Variants in ROBO2 observed in about 807,000 individuals in gnomAD.
ROBO2 encodes roundabout guidance receptor 2, also known as roundabout homolog 2.
Under a neutral mutation model 160.8 loss-of-function variants are expected in ROBO2, and 53 were observed. The ratio of observed to expected loss-of-function variants is 0.33; its 90% CI spans 0.26 to 0.41. ROBO2 has a LOEUF of 0.41. ROBO2 is among the 10% of genes least tolerant of loss of function. ROBO2 has a pLI of 1.00. For missense variants in ROBO2, 1,577 were observed against 1,722.4 expected (o/e 0.92, Z 1.49); for synonymous variants, 664 against 611.7 (o/e 1.09, Z -1.26).
intron 2 of ROBO2, among the ~76,000 whole-genome samples, chr3:76,620,715 G>A (rs1439221437): frequency 6.6e-6 from 1 of 151,956 alleles, no homozygotes; most frequent in Non-Finnish European, 1.5e-5. Flanking sequence ...ATGGCCAGTG[G>A]CAAAAATTTA....
rs74801758 is a variant in ROBO2 at position 77,506,313 on chromosome 3, G to C, written c.806+12931G>C. ...AAAATATACTGCGTGGTGTCCCAGT[G>C]TCTCCATTGTGCACACTTGGAACAA... is the stretch of plus-strand genomic sequence containing the variant. On this transcript the variant is annotated intron_variant, in intron 5 of 25. Coordinates refer to ENST00000461745, the Ensembl canonical transcript of ROBO2. Among the ~76,000 whole-genome samples the C allele has an allele frequency of 7.4e-3, 1,132 of 152,264 alleles. 16 individuals are homozygous for C. The highest frequency in any genetic ancestry group is 0.024 in the African/African-American group (992 of 41,558).
In ROBO2 at chr3:77,418,335, T is replaced by C. The variant is rs1020233053; in HGVS notation, c.389-59079T>C. ...TTATCATCATATTGACTCTGCAACA[T>C]ATTAGATGCATCCATTTTCCAAATC... On this transcript the variant is annotated intron_variant, in intron 2 of 25. Coordinates refer to ENST00000461745, the Ensembl canonical transcript of ROBO2. Among the ~76,000 whole-genome samples, 3 of 152,182 alleles carry C rather than the reference T, an allele frequency of 2.0e-5. No individual in the cohort carries two copies. In the East Asian group the frequency reaches 5.8e-4, roughly 29 times the overall value.
chr3:77,582,152 C>T (rs1351767105), intron 16 of ROBO2, among the ~76,000 whole-genome samples: 1 of 152,088 alleles, frequency 6.6e-6, no homozygotes, highest in African/African-American at 2.4e-5. Flanking sequence ...TATTAAATTG[C>T]ATATTGTTAG....
chr3:76,867,058 T>C (rs1394362052), intron 2 of ROBO2, among the ~76,000 whole-genome samples: 1 of 152,168 alleles, frequency 6.6e-6, no homozygotes, highest in African/African-American at 2.4e-5. Flanking sequence ...AACTTATTTT[T>C]AAGCAAGGAA....
intron 2 of ROBO2, among the ~76,000 whole-genome samples, chr3:76,277,470 T>C (rs940261594): frequency 6.6e-6 from 1 of 151,940 alleles, no homozygotes; most frequent in Non-Finnish European, 1.5e-5. Flanking sequence ...CTGGATGGCT[T>C]TTTAAAGTAG....
At chr3:76,059,773 T>C (rs896291750) in intron 2 of ROBO2, among the ~76,000 whole-genome samples, 1 of 152,228 alleles carries the variant, frequency 6.6e-6, no homozygotes, top group Admixed American at 6.5e-5. Flanking sequence ...CTAGGGTTTT[T>C]ATGGTTTTAG....
chr3:76,254,610 C>A (rs1706241530), intron 2 of ROBO2, among the ~76,000 whole-genome samples: 1 of 151,918 alleles, frequency 6.6e-6, no homozygotes, highest in African/African-American at 2.4e-5. Context: ...GCTGTCAGCA[C>A]AAAAGGTGAC....
chr3:77,493,157 T>G (rs2153600402), intron 4 of ROBO2, 87 bp from the exon 5 acceptor site: 1 of 1,418,514 alleles, frequency 7.0e-7, no homozygotes, highest in South Asian at 1.2e-5. Context: ...AAAAGTAAAT[T>G]AGGTTTCCTT....
Position 76,987,976 on chromosome 3 carries a change from A to G in ROBO2, c.110-110038A>G, listed in dbSNP as rs371573560. 1.2e-3 allele frequency among the ~76,000 whole-genome samples: 183 copies of G among 152,314 alleles called. 1 individual carries two copies. Among genetic ancestry groups the G allele is most frequent in the Middle Eastern group, 0.01 (3 of 294 alleles). On this transcript the variant is annotated intron_variant, in intron 2 of 26. Coordinates refer to the ROBO2 transcript ENST00000487694. Reference sequence around the variant, plus strand: ...CTATAAAGATCATTTGTCATGATATATGCTTTTATTTTTGAAAATTAGACA... The same window carrying G: ...CTATAAAGATCATTTGTCATGATATGTGCTTTTATTTTTGAAAATTAGACA...
At chr3:76,635,715 G>A (rs761097441) in intron 2 of ROBO2, among the ~76,000 whole-genome samples, 2 of 152,206 alleles carry the variant, frequency 1.3e-5, no homozygotes, top group Non-Finnish European at 2.9e-5. Context: ...TCCAATGCGA[G>A]TGCAGACACT....
At chr3:76,370,469 G>A (rs35750612) in intron 2 of ROBO2, among the ~76,000 whole-genome samples, 15,766 of 151,842 alleles carry the variant, frequency 0.1, 892 homozygotes, top group African/African-American at 0.13. Flanking sequence ...TCAGTGTATG[G>A]TAGTTTATCT....
intron 2 of ROBO2, among the ~76,000 whole-genome samples, chr3:76,431,102 T>G (rs1166186402): frequency 6.6e-6 from 1 of 152,060 alleles, no homozygotes; most frequent in African/African-American, 2.4e-5. Context: ...TCTGAGAAAC[T>G]GAAAATGTCA....
intron 2 of ROBO2, among the ~76,000 whole-genome samples, chr3:76,813,968 G>A (rs914850026): frequency 8.6e-5 from 13 of 151,970 alleles, no homozygotes; most frequent in Non-Finnish European, 1.6e-4. Context: ...TCACATAATA[G>A]AAACTTGATC....
chr3:77,129,631 G>T (rs115623321), intron 2 of ROBO2, among the ~76,000 whole-genome samples: 6,709 of 152,312 alleles, frequency 0.044, 185 homozygotes, highest in East Asian at 0.085. Flanking sequence ...CTTTTGAAGT[G>T]TTGGTTGTGC....
intron 2 of ROBO2, among the ~76,000 whole-genome samples, chr3:77,105,012 C>T (rs1191555982): frequency 6.6e-6 from 1 of 152,136 alleles, no homozygotes; most frequent in Non-Finnish European, 1.5e-5. Flanking sequence ...TGAAAGCTGG[C>T]AATTTGTCTT....
At chr3:76,653,035 G>C (rs2121791) in intron 2 of ROBO2, among the ~76,000 whole-genome samples, 1 of 151,710 alleles carries the variant, frequency 6.6e-6, no homozygotes, top group Admixed American at 6.6e-5. Flanking sequence ...TCATTATTCA[G>C]TAGCCCTATA....
intron 2 of ROBO2, among the ~76,000 whole-genome samples, chr3:76,626,148 A>G (rs894703626): frequency 6.6e-6 from 1 of 152,202 alleles, no homozygotes; most frequent in Non-Finnish European, 1.5e-5. Context: ...CAGCAACTGA[A>G]AGGATGGGGT....
chr3:76,787,465 G>A (rs2063066765), intron 2 of ROBO2, among the ~76,000 whole-genome samples: 1 of 150,998 alleles, frequency 6.6e-6, no homozygotes, highest in African/African-American at 2.4e-5. Flanking sequence ...TCACTAGAGG[G>A]CAAGGTTTAA....
At chr3:77,386,060 T>C (rs901963225) in intron 2 of ROBO2, among the ~76,000 whole-genome samples, 1 of 152,246 alleles carries the variant, frequency 6.6e-6, no homozygotes, top group African/African-American at 2.4e-5. Context: ...TATTTCCTAA[T>C]GAAGGTAAAA....
Sources: allele counts gnomAD v4.1 joint callset (sites outside exome capture counted in the v4.1 genomes callset), GRCh38; gene constraint gnomAD v4.1.1; transcripts MANE v1.5; gene names NCBI Gene and HGNC (gene_info 2026-07-23, HGNC 2026-07-21).